METTL24: variants seen among roughly 807,000 people sequenced by gnomAD.
The protein encoded by METTL24 is methyltransferase like 24, also known as probable methyltransferase-like protein 24.
Under a neutral mutation model 32.7 loss-of-function variants are expected in METTL24, and 29 were observed. The ratio of observed to expected loss-of-function variants is 0.89; its 90% CI spans 0.66 to 1.21. The LOEUF (loss-of-function observed/expected upper bound fraction) is 1.21. Among genes scored for constraint, METTL24 ranks in the 50% most tolerant of loss-of-function variants. The pLI is 0.00. For synonymous variants in METTL24, 163 were observed against 179.5 expected (o/e 0.91, Z 0.73); for missense variants, 439 against 468.1 (o/e 0.94, Z 0.57).
At chr6:110,353,555 T>A (rs1772651191) in intron 1 of METTL24, among the ~76,000 whole-genome samples, 1 of 150,700 alleles carries the variant, frequency 6.6e-6, no homozygotes, top group Non-Finnish European at 1.5e-5. Flanking sequence ...TTCTTTTTTT[T>A]TTTTTTTTTT....
At chr6:110,321,662 A>T (rs554713623) in intron 2 of METTL24, among the ~76,000 whole-genome samples, 6 of 152,354 alleles carry the variant, frequency 3.9e-5, no homozygotes, top group African/African-American at 1.4e-4. Flanking sequence ...CATGAGAAGC[A>T]CAGGGACTAA....
intron 1 of METTL24, among the ~76,000 whole-genome samples, chr6:110,352,652 A>G (rs909851919): frequency 1.3e-5 from 2 of 151,446 alleles, no homozygotes; most frequent in Non-Finnish European, 2.9e-5. Context: ...AGGTATCTAG[A>G]GGACCCAAGT....
chr6:110,257,109 A>C (rs72935916), intron 4 of METTL24, among the ~76,000 whole-genome samples: 1 of 152,352 alleles, frequency 6.6e-6, no homozygotes, highest in Non-Finnish European at 1.5e-5. Context: ...AAATTCTGAC[A>C]GGACTTGGAA....
chr6:110,338,542 G>A (rs1394171350), intron 1 of METTL24, among the ~76,000 whole-genome samples: 4 of 152,090 alleles, frequency 2.6e-5, no homozygotes, highest in South Asian at 2.1e-4. Flanking sequence ...AAACCCCAAC[G>A]TGTCTTCGAT....
intron 1 of METTL24, among the ~76,000 whole-genome samples, chr6:110,342,804 C>A (rs7738520): frequency 0.26 from 39,981 of 152,082 alleles, 5,310 homozygotes; most frequent in South Asian, 0.33. Context: ...ATGAGTAATG[C>A]AATATGTGGC....
At position 110,358,307 on chromosome 6, in the gene METTL24, G is replaced by C. The variant is rs1328421845; in HGVS notation, c.-35C>G. On this transcript the variant is annotated 5_prime_UTR_variant, in exon 1 of 5. Coordinates refer to ENST00000338882, the MANE Select transcript of METTL24 (RefSeq NM_001123364.3). ...CTCGGGGTCCCGCGGGCCGCGCCTG[G>C]CCGGCAGCAGGGATGTAGCCCCACA... The C allele has an allele frequency of 7.1e-7, 1 of 1,400,928 alleles. No individual in the cohort carries two copies. Among genetic ancestry groups the C allele is most frequent in the Non-Finnish European group, 9.3e-7 (1 of 1,078,260 alleles). The allele number at this position is 1,400,928 out of a possible 1,614,324, so 86.8% of individuals were successfully genotyped here.
chr6:110,314,649 A>G lies in METTL24; in HGVS notation c.557+693T>C, dbSNP rs144172589. Among the ~76,000 whole-genome samples the G allele has an allele frequency of 5.3e-4, 80 of 152,338 alleles. No individual in the cohort carries two copies. The South Asian group carries it at 0.012, about 22-fold the overall frequency. On this transcript the variant is annotated intron_variant, in intron 3 of 4. Transcript: ENST00000338882. ...AGCCATTATTTGTTTTGGGTTATAC[A>G]TCATAACTGTACATAAAATTTCTAA...
chr6:110,351,447 CAT>C (rs994012779), intron 1 of METTL24, among the ~76,000 whole-genome samples: 3 of 152,050 alleles, frequency 2.0e-5, no homozygotes, highest in African/African-American at 7.2e-5. Context: ...TGGGTATAGA[CAT>C]ATGTATATTC....
intron 4 of METTL24, among the ~76,000 whole-genome samples, chr6:110,263,707 C>T (rs1770798088): frequency 6.6e-6 from 1 of 152,194 alleles, no homozygotes; most frequent in Non-Finnish European, 1.5e-5. Flanking sequence ...GTCACGCTAC[C>T]TGACTTCAAA....
rs751364989 is a variant in METTL24, at chr6:110,322,775, T to C, written c.416A>G (p.Gln139Arg). ...ACTTCTTTGAGCCTGAAACACAACC[T>C]GGGTGGTGCTGATATATCTCAGGAA... The part of the protein sequence containing the change: ...WRFLRYISTT[Q>R]IACNHMNTDS... The change falls in exon 2 of 5, where the codon CAG becomes CGG. Residue 139 changes from glutamine to arginine, a missense_variant and splice_region_variant. Physicochemically the swap from Gln to Arg is conservative, Grantham distance 43. Coordinates refer to ENST00000338882, the MANE Select transcript of METTL24 (RefSeq NM_001123364.3). The C allele has an allele frequency of 6.2e-7, 1 of 1,611,286 alleles. No homozygotes were observed. The highest frequency in any genetic ancestry group is 8.5e-7 in the Non-Finnish European group (1 of 1,178,236).
chr6:110,324,428 G>A (rs1582426517), intron 1 of METTL24, among the ~76,000 whole-genome samples: 2 of 152,300 alleles, frequency 1.3e-5, no homozygotes, highest in East Asian at 3.9e-4. Context: ...GCAGTCTTAG[G>A]AGGCCATGCT....
intron 2 of METTL24, among the ~76,000 whole-genome samples, chr6:110,320,538 C>T (rs892041692): frequency 2.6e-5 from 4 of 152,126 alleles, no homozygotes; most frequent in Non-Finnish European, 4.4e-5. Flanking sequence ...AAAATGGCCC[C>T]GCATTAAAAA....
At position 110,357,985 on chromosome 6, in the gene METTL24, G is replaced by A. The variant is rs1772732493; in HGVS notation, c.288C>T (p.Cys96=). Reference sequence around the variant, plus strand: ...GGCGGGGGCGCCCGCGCGGGGCACAGCAGCCAGGCTCCGGCGTCCCGCTCC... The same window carrying A: ...GGCGGGGGCGCCCGCGCGGGGCACAACAGCCAGGCTCCGGCGTCCCGCTCC... ...GGGSGTPEPG[C]CAPRGRPRRK... The change falls in exon 1 of 5, where the codon TGC becomes TGT. Residue 96 remains cysteine (C), a synonymous_variant. Coordinates refer to ENST00000338882, the MANE Select transcript of METTL24 (RefSeq NM_001123364.3). 3.4e-6 allele frequency: 4 copies of A among 1,180,778 alleles called. No homozygotes were observed. Among genetic ancestry groups the A allele is most frequent in the Non-Finnish European group, 4.2e-6 (4 of 955,030 alleles). 73.1% of individuals were successfully genotyped at this position (1,180,778 alleles called of 1,614,324 possible).
At chr6:110,285,832 T>C (rs1242501758) in intron 4 of METTL24, among the ~76,000 whole-genome samples, 1 of 152,224 alleles carries the variant, frequency 6.6e-6, no homozygotes, top group Non-Finnish European at 1.5e-5. Flanking sequence ...CCCAAACTTC[T>C]TGAAAATGGC....
chr6:110,311,198 T>A (rs531968479), intron 3 of METTL24, among the ~76,000 whole-genome samples: 1 of 152,242 alleles, frequency 6.6e-6, no homozygotes, highest in Non-Finnish European at 1.5e-5. Context: ...CAGCCAGCTA[T>A]CTACTTGTGC....
chr6:110,320,691 G>A (rs1370059111), intron 2 of METTL24, among the ~76,000 whole-genome samples: 1 of 152,126 alleles, frequency 6.6e-6, no homozygotes, highest in East Asian at 1.9e-4. Flanking sequence ...CAAAGAGTTG[G>A]TTAGATCCTT....
intron 1 of METTL24, among the ~76,000 whole-genome samples, chr6:110,348,835 G>A (rs886715135): frequency 6.6e-6 from 1 of 152,198 alleles, no homozygotes; most frequent in Non-Finnish European, 1.5e-5. Flanking sequence ...AAAAAGACCA[G>A]CAGACCATCA....
intron 3 of METTL24, among the ~76,000 whole-genome samples, chr6:110,311,044 G>C (rs1771711663): frequency 6.6e-6 from 1 of 152,046 alleles, no homozygotes; most frequent in Non-Finnish European, 1.5e-5. Flanking sequence ...CTTACTACCT[G>C]CCCTCCCCAC....
At chr6:110,266,939 T>A (rs1770867424) in intron 4 of METTL24, among the ~76,000 whole-genome samples, 1 of 152,156 alleles carries the variant, frequency 6.6e-6, no homozygotes, top group Non-Finnish European at 1.5e-5. Context: ...CAATTTTAAG[T>A]TGAATGTGTC....
Sources: allele counts gnomAD v4.1 joint callset (sites outside exome capture counted in the v4.1 genomes callset), GRCh38; gene constraint gnomAD v4.1.1; transcripts MANE v1.5; gene names NCBI Gene and HGNC (gene_info 2026-07-23, HGNC 2026-07-21).